Variants in PNLIPRP1 observed in about 807,000 individuals in gnomAD.
The protein encoded by PNLIPRP1 is inactive pancreatic lipase-related protein 1.
Under a neutral mutation model 54.6 loss-of-function variants are expected in PNLIPRP1, and 57 were observed. The ratio of observed to expected loss-of-function variants is 1.04; its 90% CI spans 0.84 to 1.30. The LOEUF is 1.30. Among genes scored for constraint, PNLIPRP1 ranks in the 50% most tolerant of loss-of-function variants. PNLIPRP1 has a pLI of 0.00. For synonymous variants in PNLIPRP1, 232 were observed against 208.8 expected (o/e 1.11, Z -0.96); for missense variants, 567 against 568.5 (o/e 1.00, Z 0.03).
chr10:116,596,866 T>C (rs1408423170), intron 6 of PNLIPRP1, among the ~76,000 whole-genome samples: 1 of 152,148 alleles, frequency 6.6e-6, no homozygotes, highest in Admixed American at 6.5e-5. Context: ...ATGGTGATAA[T>C]AATAATAATA....
At chr10:116,601,294 G>A in intron 10 of PNLIPRP1, 93 bp downstream of exon 10, 1 of 1,193,406 alleles carries the variant, frequency 8.4e-7, no homozygotes, top group Non-Finnish European at 1.2e-6. Flanking sequence ...ATATTTGTGG[G>A]TACATTTTAA....
intron 5 of PNLIPRP1, 68 bp downstream of exon 5, chr10:116,594,932 C>G: frequency 6.5e-7 from 1 of 1,549,724 alleles, no homozygotes; most frequent in Non-Finnish European, 8.8e-7. Flanking sequence ...GGTAGAGATG[C>G]AGCTGAGAGT....
intron 4 of PNLIPRP1, 186 bp downstream of exon 4, chr10:116,592,727 A>G: frequency 1.4e-6 from 1 of 731,944 alleles, no homozygotes; most frequent in Non-Finnish European, 2.4e-6. Context: ...TGAAGCAACC[A>G]CATTTGCTGT....
chr10:116,603,837 G>T (rs1847890679), intron 10 of PNLIPRP1, among the ~76,000 whole-genome samples, 193 bp from the exon 11 acceptor site: 1 of 152,156 alleles, frequency 6.6e-6, no homozygotes, highest in African/African-American at 2.4e-5. Context: ...AGGTGGCAGT[G>T]AGCCAAGATT....
intron 12 of PNLIPRP1, among the ~76,000 whole-genome samples, chr10:116,607,046 A>AATAATAATAATAATG (rs1564741535): frequency 7.6e-6 from 1 of 131,046 alleles, no homozygotes; most frequent in African/African-American, 2.6e-5. Flanking sequence ...TAATAATAAT[A>AATAATAATAATAATG]ATGAAGAAGC....
intron 12 of PNLIPRP1, among the ~76,000 whole-genome samples, chr10:116,608,613 T>C (rs1554865855): frequency 6.6e-6 from 1 of 152,254 alleles, no homozygotes; most frequent in East Asian, 1.9e-4. Flanking sequence ...GTGGTGAGGA[T>C]GCAGTTTGCA....
chr10:116,604,681 C>CTTTTTTTT (rs1234478269), intron 11 of PNLIPRP1, among the ~76,000 whole-genome samples: 10 of 94,138 alleles, frequency 1.1e-4, no homozygotes, highest in Non-Finnish European at 1.8e-4. Flanking sequence ...CTTTCTCTCT[C>CTTTTTTTT]TTTTTTTTTT....
chr10:116,599,533 C>T (rs1339233402), intron 8 of PNLIPRP1, among the ~76,000 whole-genome samples: 1 of 152,106 alleles, frequency 6.6e-6, no homozygotes, highest in African/African-American at 2.4e-5. Flanking sequence ...AGTTATCCAG[C>T]CCTTGTTTTT....
intron 5 of PNLIPRP1, 98 bp downstream of exon 5, chr10:116,594,962 A>G: frequency 7.2e-7 from 1 of 1,390,262 alleles, no homozygotes; most frequent in African/African-American, 1.4e-5. Flanking sequence ...AAGAAGGACA[A>G]AGAATTGATA....
At chr10:116,606,193 C>CGA (rs1847934819) in intron 12 of PNLIPRP1, among the ~76,000 whole-genome samples, 1 of 152,032 alleles carries the variant, frequency 6.6e-6, no homozygotes, top group Non-Finnish European at 1.5e-5. Context: ...TCTCAGCCAC[C>CGA]GATGTTCTTG....
chr10:116,594,943 T>A, intron 5 of PNLIPRP1, 79 bp downstream of exon 5: 1 of 1,515,932 alleles, frequency 6.6e-7, no homozygotes, highest in South Asian at 1.2e-5. Flanking sequence ...AGCTGAGAGT[T>A]ATGGATTAAA....
intron 3 of PNLIPRP1, 66 bp downstream of exon 3, chr10:116,591,991 G>A (rs1403691611): frequency 5.8e-6 from 9 of 1,540,800 alleles, no homozygotes; most frequent in Non-Finnish European, 6.2e-6. Context: ...TGCAGACCAT[G>A]AATACCTTAT....
chr10:116,594,707 C>T, intron 4 of PNLIPRP1, 23 bp from the exon 5 acceptor site: 1 of 1,613,916 alleles, frequency 6.2e-7, no homozygotes, highest in East Asian at 2.2e-5. Context: ...ATCTCCCCAA[C>T]CCCACTATCT....
rs1346659521 is a variant in PNLIPRP1, at chr10:116,592,980, G to A, written c.330+439G>A. The A allele has an allele frequency of 2.9e-5, 9 of 310,748 alleles. 1 individual carries two copies. The highest frequency in any genetic ancestry group is 5.7e-5 in the South Asian group (2 of 35,110). The allele number at this position is 310,748 out of a possible 1,614,324, so 19.2% of individuals were successfully genotyped here. ...GTCAGGAGTTCGAGACCAGCCTGGC[G>A]AACATGGTGAAACCCTATCTCTACT... On this transcript the variant is annotated intron_variant, in intron 4 of 12. Coordinates refer to ENST00000358834, the MANE Select transcript of PNLIPRP1 (RefSeq NM_006229.4).
At chr10:116,600,221 C>A in intron 9 of PNLIPRP1, 56 bp downstream of exon 9, 2 of 1,127,686 alleles carry the variant, frequency 1.8e-6, no homozygotes, top group South Asian at 1.2e-5. Flanking sequence ...GGACTGCTGT[C>A]CTGCTGCGTT....
rs1554863929 is a variant in PNLIPRP1 at position 116,596,215 on chromosome 10, CAG to C, written c.470_471del (p.Glu157ValfsTer2). 6.2e-7 allele frequency: 1 copy of C among 1,601,246 alleles called. No homozygotes were observed. ...GAAAATACAATCTTCCCTCTCCAGA[CAG>C]AGTATAGCTACCCCCCTTCCAAAGT... On this transcript the variant is annotated frameshift_variant and splice_region_variant, in exon 6 of 13. Transcript: ENST00000358834. LOFTEE classifies it high-confidence loss of function.
intron 10 of PNLIPRP1, among the ~76,000 whole-genome samples, chr10:116,602,308 C>T (rs969859281): frequency 3.3e-5 from 5 of 150,856 alleles, no homozygotes; most frequent in South Asian, 2.1e-4. Context: ...CGTGAGCCAC[C>T]GCACCCGGCC....
intron 4 of PNLIPRP1, chr10:116,594,397 T>G: frequency 2.0e-6 from 1 of 511,484 alleles, no homozygotes; most frequent in South Asian, 1.5e-5. Context: ...CCACCGGAGA[T>G]TGCACCTAAG....
At chr10:116,599,485 A>C (rs1480274175) in intron 8 of PNLIPRP1, among the ~76,000 whole-genome samples, 1 of 152,148 alleles carries the variant, frequency 6.6e-6, no homozygotes, top group African/African-American at 2.4e-5. Flanking sequence ...AGTAAAATCA[A>C]GACACTATGA....
Sources: gnomAD v4.1 joint callset for allele counts (sites outside exome capture counted in the v4.1 genomes callset) on GRCh38, gnomAD v4.1.1 for gene constraint, MANE v1.5 for transcripts, NCBI Gene and HGNC (gene_info 2026-07-23, HGNC 2026-07-21) for gene names.